The following ZNF106 variants were observed in gnomAD, a reference collection of about 807,000 sequenced individuals.
The protein encoded by ZNF106 is zinc finger protein 106.
Under a neutral mutation model 195.1 loss-of-function variants are expected in ZNF106, and 67 were observed. The ratio of observed to expected loss-of-function variants is 0.34; its 90% confidence interval spans 0.28 to 0.42. The LOEUF is 0.42. Ranked by LOEUF, ZNF106 falls within the 10% of genes least tolerant of loss-of-function variation. The pLI is 1.00. For missense variants in ZNF106, 2,118 were observed against 2,304.5 expected (o/e 0.92, Z 1.66); for synonymous variants, 784 against 818.6 (o/e 0.96, Z 0.72).
At chr15:42,443,386 A>G (rs2055629746) in intron 9 of ZNF106, among the ~76,000 whole-genome samples, 1 of 152,090 alleles carries the variant, frequency 6.6e-6, no homozygotes. Flanking sequence ...AATCCCAACC[A>G]TTTGGGAGGT....
chr15:42,427,217 T>C (rs1203206543), intron 15 of ZNF106, among the ~76,000 whole-genome samples: 2 of 152,230 alleles, frequency 1.3e-5, no homozygotes, highest in African/African-American at 2.4e-5. Flanking sequence ...ACCTCCTAAA[T>C]GGTCTCCCTG....
chr15:42,463,090 G>C (rs557139114), intron 3 of ZNF106, among the ~76,000 whole-genome samples: 1 of 151,826 alleles, frequency 6.6e-6, no homozygotes. Flanking sequence ...CGAGCACCGC[G>C]GCCGGCCCAA....
At chr15:42,464,707 T>C (rs561175684) in intron 3 of ZNF106, among the ~76,000 whole-genome samples, 1 of 151,750 alleles carries the variant, frequency 6.6e-6, no homozygotes, top group Non-Finnish European at 1.5e-5. Flanking sequence ...TGGGGGTTTT[T>C]TGTGGGGCAG....
chr15:42,461,812 C>A (rs1159430306), intron 3 of ZNF106, among the ~76,000 whole-genome samples: 1 of 152,176 alleles, frequency 6.6e-6, no homozygotes, highest in Non-Finnish European at 1.5e-5. Context: ...AGGAAATAAT[C>A]ACAAACTCAG....
At chr15:42,447,723 C>T (rs1249693477) in intron 6 of ZNF106, among the ~76,000 whole-genome samples, 2 of 152,180 alleles carry the variant, frequency 1.3e-5, no homozygotes, top group East Asian at 3.8e-4. Flanking sequence ...CAGTAGAACG[C>T]CTTTCTTCAG....
Position 42,489,469 on chromosome 15 carries a change from G to A in ZNF106, c.-33+1511C>T, listed in dbSNP as rs540986106. 2.6e-3 allele frequency among the ~76,000 whole-genome samples: 401 copies of A among 151,930 alleles called. 2 individuals are homozygous for A. The highest frequency in any genetic ancestry group is 8.8e-3 in the African/African-American group (366 of 41,452). On this transcript the variant is annotated intron_variant, in intron 1 of 21. Transcript: ENST00000564754. ...TGGGATTACAGGCGTGAGCCATCGCGCCTGGCCCCTTCCAGGCCATTTTAA... is the reference window on the plus strand; with the variant it reads ...TGGGATTACAGGCGTGAGCCATCGCACCTGGCCCCTTCCAGGCCATTTTAA...
chr15:42,450,699 A>G lies in ZNF106; in HGVS notation c.1573T>C (p.Tyr525His), dbSNP rs151320385. The change falls in exon 5 of 22, where the codon TAC becomes CAC. Residue 525 changes from tyrosine to histidine, a missense_variant. Tyr to His is a moderately conservative substitution (Grantham distance 83). Coordinates refer to ENST00000564754, the MANE Select transcript of ZNF106 (RefSeq NM_001366845.3). ...KPTVEDNHGPYISKLRSSCPH... is the reference protein window; with the variant it reads ...KPTVEDNHGPHISKLRSSCPH... ...CATGAACTACGCAGTTTGGATATGT[A>G]AGGACCATGGTTATCTTCCACAGTG... 1.3e-4 allele frequency: 205 copies of G among 1,614,074 alleles called. No individual in the cohort carries two copies. Among genetic ancestry groups the G allele is most frequent in the Non-Finnish European group, 1.6e-4 (194 of 1,180,046 alleles).
At chr15:42,440,131 C>T (rs2055445527) in intron 10 of ZNF106, among the ~76,000 whole-genome samples, 1 of 152,208 alleles carries the variant, frequency 6.6e-6, no homozygotes, top group Non-Finnish European at 1.5e-5. Context: ...TCTTAGTAGA[C>T]ACTTAAATGT....
At chr15:42,460,983 A>G (rs989023628) in intron 3 of ZNF106, among the ~76,000 whole-genome samples, 9 of 152,106 alleles carry the variant, frequency 5.9e-5, no homozygotes, top group African/African-American at 2.2e-4. Flanking sequence ...AAAAAACTTT[A>G]TAAGAAACTT....
At chr15:42,423,867 G>A in intron 17 of ZNF106, 131 bp downstream of exon 17, 1 of 784,370 alleles carries the variant, frequency 1.3e-6, no homozygotes, top group East Asian at 2.7e-5. Context: ...AAGAGCATAT[G>A]CACAGGGATG....
intron 1 of ZNF106, among the ~76,000 whole-genome samples, chr15:42,489,829 A>G (rs2057102261): frequency 6.6e-6 from 1 of 151,896 alleles, no homozygotes. Flanking sequence ...TAAGGTCAGG[A>G]GTTGGAGACT....
intron 3 of ZNF106, among the ~76,000 whole-genome samples, chr15:42,460,083 C>T (rs1480803337): frequency 2.0e-5 from 3 of 151,734 alleles, no homozygotes; most frequent in Non-Finnish European, 4.4e-5. Flanking sequence ...TTAAAACTCT[C>T]TAAAACTATG....
At chr15:42,419,484 G>C (rs1324838496) in intron 20 of ZNF106, among the ~76,000 whole-genome samples, 1 of 152,004 alleles carries the variant, frequency 6.6e-6, no homozygotes, top group Non-Finnish European at 1.5e-5. Context: ...TGAAGCTGCA[G>C]TGACTGTTGT....
intron 4 of ZNF106, among the ~76,000 whole-genome samples, chr15:42,455,230 ATTTC>A (rs2056187864): frequency 6.6e-6 from 1 of 152,246 alleles, no homozygotes; most frequent in African/African-American, 2.4e-5. Context: ...AAGGTTTTGC[ATTTC>A]AAACTGCTTT....
intron 14 of ZNF106, among the ~76,000 whole-genome samples, chr15:42,432,955 C>T (rs1350854070): frequency 6.6e-6 from 1 of 152,016 alleles, no homozygotes; most frequent in South Asian, 2.1e-4. Context: ...CAATTTCTGT[C>T]TTTTGATTTT....
chr15:42,419,063 CAAAAAAAA>C (rs367772491), intron 20 of ZNF106, among the ~76,000 whole-genome samples: 7 of 105,786 alleles, frequency 6.6e-5, no homozygotes, highest in Admixed American at 1.9e-4. Context: ...CTTTCTCTAC[CAAAAAAAA>C]AAAAAAAAAA....
At chr15:42,421,503 T>C (rs149701348) in intron 19 of ZNF106, among the ~76,000 whole-genome samples, 125 of 152,264 alleles carry the variant, frequency 8.2e-4, no homozygotes, top group African/African-American at 2.9e-3. Flanking sequence ...TCCATTCTGG[T>C]TCAACTCCAT....
intron 15 of ZNF106, chr15:42,425,378 A>C (rs2054816355): frequency 4.9e-6 from 1 of 203,642 alleles, no homozygotes; most frequent in Non-Finnish European, 1.0e-5. Context: ...TCTAGTGCAT[A>C]TTCCCTGACA....
In ZNF106 at chr15:42,414,398, AAAGAATTTCATGTGTTCTTGAAACAAAGG is replaced by A. The variant is rs1275969621; in HGVS notation, c.*2877_*2905del. Reference sequence around the variant, plus strand: ...GGGGTAACACACTAATCTGGTGTTAAAAGAATTTCATGTGTTCTTGAAACAAAGGCATACTGCCACTGCTTCAAAAAAAG... The same window carrying A: ...GGGGTAACACACTAATCTGGTGTTAACATACTGCCACTGCTTCAAAAAAAG... On this transcript the variant is annotated 3_prime_UTR_variant, in exon 22 of 22. Transcript: ENST00000564754. 1 of 152,262 alleles carries A rather than the reference AAAGAATTTCATGTGTTCTTGAAACAAAGG, an allele frequency of 6.6e-6. No homozygotes were observed. Among genetic ancestry groups the A allele is most frequent in the Non-Finnish European group, 1.5e-5 (1 of 68,052 alleles). 9.4% of individuals were successfully genotyped at this position (152,262 alleles called of 1,614,324 possible).
Sources: allele counts gnomAD v4.1 joint callset (sites outside exome capture counted in the v4.1 genomes callset), GRCh38; gene constraint gnomAD v4.1.1; transcripts MANE v1.5; gene names NCBI Gene and HGNC (gene_info 2026-07-23, HGNC 2026-07-21).